The following CTNNA3 variants were observed in gnomAD, a reference collection of about 807,000 sequenced individuals.
The protein encoded by CTNNA3 is catenin alpha 3.
Under a neutral mutation model 95.7 loss-of-function variants are expected in CTNNA3, and 76 were observed. The observed-to-expected ratio is 0.79, with a 90% CI of 0.66 to 0.96. The LOEUF (loss-of-function observed/expected upper bound fraction) is 0.96, where lower values mean the gene tolerates loss of function less well. CTNNA3 is among the 40% of genes least tolerant of loss of function. The pLI is 0.00. For missense variants in CTNNA3, 1,191 were observed against 1,089.8 expected, an observed-to-expected ratio of 1.09 and a Z score of -1.31; for synonymous variants, 431 against 374.4, an observed-to-expected ratio of 1.15 and a Z score of -1.74.
intron 5 of CTNNA3, among the ~76,000 whole-genome samples, chr10:67,323,892 T>C (rs545416534): frequency 4.2e-4 from 64 of 152,296 alleles, no homozygotes; most frequent in African/African-American, 1.5e-3. Flanking sequence ...GAGCAGTGTT[T>C]TATAGTTTTC....
At chr10:66,106,119 A>G (rs182549302) in intron 13 of CTNNA3, among the ~76,000 whole-genome samples, 265 of 151,690 alleles carry the variant, frequency 1.7e-3, no homozygotes, top group Non-Finnish European at 2.7e-3. Flanking sequence ...AGGCAGGAGA[A>G]TTGCTTGAAT....
intron 9 of CTNNA3, among the ~76,000 whole-genome samples, chr10:66,646,277 G>A (rs17274723): frequency 0.12 from 18,831 of 152,098 alleles, 1,329 homozygotes; most frequent in Middle Eastern, 0.23. Flanking sequence ...CCATACATGC[G>A]GACGTGTGGA....
At chr10:66,649,176 T>C (rs958419399) in intron 9 of CTNNA3, among the ~76,000 whole-genome samples, 1 of 152,076 alleles carries the variant, frequency 6.6e-6, no homozygotes, top group African/African-American at 2.4e-5. Context: ...CAGTGGAGAA[T>C]GCGACTGAAG....
chr10:67,705,633 TG>T (rs1254396584), intron 1 of CTNNA3, among the ~76,000 whole-genome samples: 1 of 63,528 alleles, frequency 1.6e-5, no homozygotes, highest in Non-Finnish European at 2.8e-5. Context: ...TGTTGTGGGG[TG>T]GGGGGAGGGG....
intron 5 of CTNNA3, among the ~76,000 whole-genome samples, chr10:67,301,842 G>A (rs1156336416): frequency 1.3e-5 from 2 of 151,948 alleles, no homozygotes; most frequent in African/African-American, 4.8e-5. Flanking sequence ...GGTGGTGGGC[G>A]CCTGTAGTCC....
At chr10:66,942,569 TC>T (rs1848055579) in intron 7 of CTNNA3, among the ~76,000 whole-genome samples, 1 of 151,828 alleles carries the variant, frequency 6.6e-6, no homozygotes, top group Non-Finnish European at 1.5e-5. Context: ...TCTCTCTCTC[TC>T]TCTCTCTGTG....
intron 7 of CTNNA3, among the ~76,000 whole-genome samples, chr10:66,854,126 A>G (rs1420426634): frequency 6.6e-6 from 1 of 152,064 alleles, no homozygotes; most frequent in Non-Finnish European, 1.5e-5. Context: ...TGGCTTGCAT[A>G]TAAAATCAAA....
chr10:66,857,565 A>C (rs1213790094), intron 7 of CTNNA3, among the ~76,000 whole-genome samples: 1 of 151,912 alleles, frequency 6.6e-6, no homozygotes, highest in Non-Finnish European at 1.5e-5. Context: ...CCATTTGCTT[A>C]TGTCATCTTT....
At chr10:66,299,894 A>AT (rs1056921743) in intron 12 of CTNNA3, among the ~76,000 whole-genome samples, 11 of 151,768 alleles carry the variant, frequency 7.2e-5, no homozygotes, top group Admixed American at 3.9e-4. Context: ...CAATGAGGAA[A>AT]TTTTTTTTCT....
At chr10:66,928,694 T>G (rs1847212030) in intron 7 of CTNNA3, among the ~76,000 whole-genome samples, 1 of 152,168 alleles carries the variant, frequency 6.6e-6, no homozygotes, top group Non-Finnish European at 1.5e-5. Flanking sequence ...TGAACTCCGG[T>G]TTAATATAAT....
intron 5 of CTNNA3, among the ~76,000 whole-genome samples, chr10:67,401,615 A>G (rs1420981855): frequency 3.3e-5 from 5 of 152,160 alleles, no homozygotes; most frequent in African/African-American, 1.2e-4. Context: ...AAGACCTAAT[A>G]AAAACAACAA....
At chr10:66,462,918 G>GT (rs1466208502) in intron 11 of CTNNA3, among the ~76,000 whole-genome samples, 2 of 151,972 alleles carry the variant, frequency 1.3e-5, no homozygotes, top group African/African-American at 4.8e-5. Flanking sequence ...TTTCTGAAGT[G>GT]TTTTTAAGGA....
intron 7 of CTNNA3, among the ~76,000 whole-genome samples, chr10:66,786,084 G>C (rs1248927805): frequency 2.0e-5 from 3 of 152,104 alleles, no homozygotes; most frequent in Non-Finnish European, 4.4e-5. Flanking sequence ...CAGCCACCCT[G>C]TCTTGTTCTA....
chr10:66,251,437 C>T (rs976318372), intron 13 of CTNNA3, among the ~76,000 whole-genome samples: 1 of 152,028 alleles, frequency 6.6e-6, no homozygotes, highest in Non-Finnish European at 1.5e-5. Context: ...TCCAAAAATT[C>T]CCCCTTGAAA....
chr10:67,730,149 G>A (rs1243940770), intron 1 of CTNNA3, among the ~76,000 whole-genome samples: 1 of 152,054 alleles, frequency 6.6e-6, no homozygotes, highest in African/African-American at 2.4e-5. Context: ...CTTCATACAT[G>A]TTCTTTTAGA....
At chr10:67,433,140 CT>C (rs1200276682) in intron 5 of CTNNA3, among the ~76,000 whole-genome samples, 1 of 152,008 alleles carries the variant, frequency 6.6e-6, no homozygotes, top group African/African-American at 2.4e-5. Context: ...AGACATGCAA[CT>C]CTTCCTTTCA....
chr10:66,043,237 G>GA (rs1042106676), intron 15 of CTNNA3, among the ~76,000 whole-genome samples: 2 of 148,416 alleles, frequency 1.3e-5, no homozygotes, highest in African/African-American at 4.9e-5. Flanking sequence ...ACATGTGGGG[G>GA]AAAAACACGA....
chr10:67,674,394 C>T (rs553282345), intron 1 of CTNNA3, among the ~76,000 whole-genome samples: 2 of 152,176 alleles, frequency 1.3e-5, no homozygotes, highest in South Asian at 4.1e-4. Flanking sequence ...GCCTCCAGAA[C>T]TGTGAAAAAA....
intron 10 of CTNNA3, among the ~76,000 whole-genome samples, chr10:66,615,291 A>G (rs1207101366): frequency 6.6e-6 from 1 of 152,098 alleles, no homozygotes. Flanking sequence ...GGCACGTATC[A>G]CACGTGAGCA....
Sources: allele counts gnomAD v4.1 joint callset (sites outside exome capture counted in the v4.1 genomes callset), GRCh38; gene constraint gnomAD v4.1.1; transcripts MANE v1.5; gene names NCBI Gene and HGNC (gene_info 2026-07-23, HGNC 2026-07-21).